Variants in KLF7 observed in about 807,000 individuals in gnomAD.
KLF7 encodes the protein KLF transcription factor 7.
KLF7 carries 2 observed loss-of-function variants against 27.3 expected under a neutral mutation model. That is an observed-to-expected ratio of 0.07 (90% confidence interval 0.03 to 0.23). The LOEUF (loss-of-function observed/expected upper bound fraction) is 0.23, where lower values mean the gene tolerates loss of function less well. Ranked by LOEUF, KLF7 falls within the 10% of genes least tolerant of loss-of-function variation. The probability of loss-of-function intolerance (pLI) is 1.00; values close to 1 mark genes in which losing one functional copy is unlikely to be tolerated. For missense variants in KLF7, 221 were observed against 394.1 expected (o/e 0.56, Z 3.72); for synonymous variants, 165 against 162.4 (o/e 1.02, Z -0.12).
chr2:207,124,414 G>C lies in KLF7; in HGVS notation c.103-10C>G, dbSNP rs377443772. Reference sequence around the variant, plus strand: ...CCAATTCAAGGCATGTCTGCAAGAGGAAGAAGGAGGGAGAGAAACAGCCAT... The same window carrying C: ...CCAATTCAAGGCATGTCTGCAAGAGCAAGAAGGAGGGAGAGAAACAGCCAT... On this transcript the variant is annotated splice_polypyrimidine_tract_variant and intron_variant, in intron 1 of 3. Coordinates refer to ENST00000309446, the MANE Select transcript of KLF7 (RefSeq NM_003709.4). The C allele has an allele frequency of 1.3e-5, 20 of 1,540,388 alleles. No individual in the cohort carries two copies. In the African/African-American group the frequency reaches 2.6e-4, roughly 20 times the overall value.
chr2:207,095,727 A>G (rs925851510), intron 2 of KLF7, among the ~76,000 whole-genome samples: 2 of 152,206 alleles, frequency 1.3e-5, no homozygotes, highest in African/African-American at 4.8e-5. Flanking sequence ...AACTTTCACC[A>G]TTGAAAATTT....
chr2:207,115,186 A>AAT (rs1317031257), intron 2 of KLF7, among the ~76,000 whole-genome samples: 6 of 152,132 alleles, frequency 3.9e-5, no homozygotes, highest in African/African-American at 1.4e-4. Context: ...TGCAAAAAAA[A>AAT]AAAGGGGGGG....
intron 1 of KLF7, 78 bp from the exon 2 acceptor site, chr2:207,124,482 G>T: frequency 7.2e-7 from 1 of 1,380,998 alleles, no homozygotes; most frequent in Non-Finnish European, 9.9e-7. Flanking sequence ...GACAGGCAGA[G>T]GGGGAAGGTG....
intron 3 of KLF7, among the ~76,000 whole-genome samples, chr2:207,086,480 CA>C (rs2076391908): frequency 6.6e-6 from 1 of 152,246 alleles, no homozygotes; most frequent in Non-Finnish European, 1.5e-5. Flanking sequence ...CAATCTCCCA[CA>C]AATACCATGT....
intron 2 of KLF7, among the ~76,000 whole-genome samples, chr2:207,095,156 T>A (rs930736011): frequency 7.0e-6 from 1 of 142,872 alleles, no homozygotes; most frequent in African/African-American, 2.6e-5. Context: ...TTCTCCTGCC[T>A]CAGCCTCCCA....
chr2:207,117,011 T>C (rs1317181848), intron 2 of KLF7, among the ~76,000 whole-genome samples: 1 of 152,158 alleles, frequency 6.6e-6, no homozygotes, highest in Non-Finnish European at 1.5e-5. Flanking sequence ...ACAGTGGGTG[T>C]TCGAAAATAT....
chr2:207,085,190 A>AAAAAAAAG (rs2076360493), intron 3 of KLF7, among the ~76,000 whole-genome samples: 1 of 150,936 alleles, frequency 6.6e-6, no homozygotes, highest in Non-Finnish European at 1.5e-5. Context: ...AAAAAAAAAA[A>AAAAAAAAG]AAAGGCACAC....
In KLF7 at chr2:207,152,272, T is replaced by TACACACACAC. The variant is rs67380335; in HGVS notation, c.102+13185_102+13194dup. On this transcript the variant is annotated intron_variant, in intron 1 of 3. Coordinates refer to ENST00000309446, the MANE Select transcript of KLF7 (RefSeq NM_003709.4). ...CTAAGAACTGGTTACATGTTTTTCTTACACACACACACACACACACACACA... is the reference window on the plus strand; with the variant it reads ...CTAAGAACTGGTTACATGTTTTTCTTACACACACACACACACACACACACACACACACACA... 6.1e-3 allele frequency among the ~76,000 whole-genome samples: 913 copies of TACACACACAC among 150,544 alleles called. 9 individuals are homozygous for TACACACACAC. The highest frequency in any genetic ancestry group is 0.021 in the African/African-American group (846 of 40,660).
intron 2 of KLF7, among the ~76,000 whole-genome samples, chr2:207,103,461 AC>A (rs1240341708): frequency 1.3e-5 from 2 of 152,226 alleles, no homozygotes; most frequent in East Asian, 3.8e-4. Context: ...AAGAAATCTT[AC>A]ATCTTTAAGC....
Position 207,098,778 on chromosome 2 carries a change from A to ATTTTTTT in KLF7, c.734-10204_734-10198dup, listed in dbSNP as rs1182598901. On this transcript the variant is annotated intron_variant, in intron 2 of 3. Coordinates refer to ENST00000309446, the MANE Select transcript of KLF7 (RefSeq NM_003709.4). ...GCTCTGGTGCCACCACACTTGGCTAATTTTTTTTTTTTTTTTTTTTTTGTA... is the reference window on the plus strand; with the variant it reads ...GCTCTGGTGCCACCACACTTGGCTAATTTTTTTTTTTTTTTTTTTTTTTTTTTTTGTA... Among the ~76,000 whole-genome samples the ATTTTTTT allele has an allele frequency of 2.7e-3, 281 of 104,666 alleles. 1 individual carries two copies. The highest frequency in any genetic ancestry group is 5.3e-3 in the East Asian group (19 of 3,586). The allele number at this position is 104,666 out of a possible 152,430, so 68.7% of individuals were successfully genotyped here. A position where few individuals can be genotyped will look rare whatever the true frequency, so the allele number is the denominator to read the frequency against.
intron 3 of KLF7, among the ~76,000 whole-genome samples, chr2:207,081,900 G>A (rs919355247): frequency 6.7e-5 from 10 of 150,362 alleles, no homozygotes; most frequent in Admixed American, 5.9e-4. Context: ...CAGTTATTGA[G>A]TATGTTACGA....
chr2:207,168,104 T>A (rs943970026), upstream of KLF7, among the ~76,000 whole-genome samples: 1 of 151,934 alleles, frequency 6.6e-6, no homozygotes, highest in African/African-American at 2.4e-5. Flanking sequence ...AAAAACATGT[T>A]CATGAATAAT....
At chr2:207,130,399 A>G (rs567182601) in intron 1 of KLF7, among the ~76,000 whole-genome samples, 1 of 152,332 alleles carries the variant, frequency 6.6e-6, no homozygotes, top group South Asian at 2.1e-4. Flanking sequence ...GATTGGTGGG[A>G]TGTCTGGTTT....
intron 1 of KLF7, among the ~76,000 whole-genome samples, chr2:207,153,786 T>C (rs1025318584): frequency 6.6e-5 from 10 of 152,110 alleles, no homozygotes; most frequent in African/African-American, 2.2e-4. Flanking sequence ...AACTGAAAAG[T>C]TCCTTTGGGG....
At chr2:207,092,999 T>C (rs897931833) in intron 2 of KLF7, among the ~76,000 whole-genome samples, 1 of 152,212 alleles carries the variant, frequency 6.6e-6, no homozygotes, top group African/African-American at 2.4e-5. Flanking sequence ...ACCATCTCAC[T>C]GGTCTTAGGC....
chr2:207,098,618 CTAT>C (rs71034501), intron 2 of KLF7, among the ~76,000 whole-genome samples: 4 of 148,922 alleles, frequency 2.7e-5, no homozygotes, highest in African/African-American at 7.5e-5. Flanking sequence ...AATGACCAAG[CTAT>C]TATTATTATT....
chr2:207,089,674 T>C (rs1053454058), intron 2 of KLF7, among the ~76,000 whole-genome samples: 14 of 152,214 alleles, frequency 9.2e-5, no homozygotes, highest in African/African-American at 3.4e-4. Context: ...TCCTTAATTG[T>C]CTGACCTTGG....
chr2:207,097,791 A>C (rs2076667613), intron 2 of KLF7, among the ~76,000 whole-genome samples: 1 of 152,212 alleles, frequency 6.6e-6, no homozygotes, highest in African/African-American at 2.4e-5. Context: ...ATTCCAATAC[A>C]TGTGTTTTCA....
upstream of KLF7, chr2:207,167,095 TG>T: frequency 7.2e-7 from 1 of 1,397,036 alleles, no homozygotes; most frequent in Non-Finnish European, 9.3e-7. Context: ...GGGCGCAAGC[TG>T]GAGCCGGCAG....
Sources: gnomAD v4.1 joint callset for allele counts (sites outside exome capture counted in the v4.1 genomes callset) on GRCh38, gnomAD v4.1.1 for gene constraint, MANE v1.5 for transcripts, NCBI Gene and HGNC (gene_info 2026-07-23, HGNC 2026-07-21) for gene names.